Variants in CMIP observed in about 807,000 individuals in gnomAD.
CMIP encodes C-Maf-inducing protein.
A neutral mutation model predicts 97.3 loss-of-function variants in CMIP; 13 were observed. The ratio of observed to expected loss-of-function variants is 0.13; its 90% CI spans 0.09 to 0.21. CMIP has a LOEUF of 0.21. Ranked by LOEUF, CMIP falls within the 10% of genes least tolerant of loss-of-function variation. The pLI, the probability that CMIP is intolerant of heterozygous loss-of-function variation, is 1.00. For missense variants in CMIP, 847 were observed against 1,024.9 expected (o/e 0.83, Z 2.37); for synonymous variants, 538 against 436.3 (o/e 1.23, Z -2.91).
At chr16:81,588,511 C>G (rs1023326190) in intron 1 of CMIP, among the ~76,000 whole-genome samples, 2 of 152,146 alleles carry the variant, frequency 1.3e-5, no homozygotes, top group Non-Finnish European at 2.9e-5. Context: ...TGAGCAGTAG[C>G]CCCAGTGCTT....
At chr16:81,594,096 C>A in intron 1 of CMIP, among the ~76,000 whole-genome samples, 1 of 113,634 alleles carries the variant, frequency 8.8e-6, no homozygotes, top group Non-Finnish European at 1.8e-5. Context: ...TCCTCCTCTT[C>A]CTCCCCCTCC....
intron 1 of CMIP, among the ~76,000 whole-genome samples, chr16:81,580,868 A>G (rs551745675): frequency 5.9e-5 from 9 of 152,240 alleles, no homozygotes; most frequent in South Asian, 4.2e-4. Context: ...TGCCACTTCT[A>G]TCTAATTCCG....
rs1908637333 is a variant in CMIP at position 81,710,435 on chromosome 16, C to T, written c.*636C>T. The T allele has an allele frequency of 6.5e-6, 1 of 153,668 alleles. No individual in the cohort carries two copies. Among genetic ancestry groups the T allele is most frequent in the Non-Finnish European group, 1.4e-5 (1 of 69,202 alleles). The allele number at this position is 153,668 out of a possible 1,614,324, so 9.5% of individuals were successfully genotyped here. A position where few individuals can be genotyped will look rare whatever the true frequency, so the allele number is the denominator to read the frequency against. ...CCCCCCGCCCGACCCCACCGCCCTC[C>T]CGCCCCCACCTGGCGTGTAGTACTG... is the stretch of plus-strand genomic sequence containing the variant. On this transcript the variant is annotated 3_prime_UTR_variant, in exon 21 of 21. Coordinates refer to ENST00000537098, the MANE Select transcript of CMIP (RefSeq NM_198390.3).
chr16:81,652,175 T>C lies in CMIP; in HGVS notation c.478-28T>C. 6.3e-7 allele frequency: 1 copy of C among 1,585,000 alleles called. No homozygotes were observed. The highest frequency in any genetic ancestry group is 1.7e-5 in the Admixed American group (1 of 59,748). On this transcript the variant is annotated intron_variant, in intron 3 of 20. Transcript: ENST00000537098. The surrounding 1 kb of genome is among the most constrained non-coding windows in gnomAD (Gnocchi z 5.2). ...CTGCCTTCCTTACGTGAGTAACATG[T>C]TGCTGTCTCTTTATCTCTTTCAACC...
At chr16:81,512,624 C>T (rs1182396927) in intron 1 of CMIP, among the ~76,000 whole-genome samples, 1 of 152,010 alleles carries the variant, frequency 6.6e-6, no homozygotes, top group Non-Finnish European at 1.5e-5. Context: ...GATTTTGTAG[C>T]ATCTTCCAAA....
chr16:81,470,796 G>A (rs911823336), intron 1 of CMIP, among the ~76,000 whole-genome samples: 1 of 152,162 alleles, frequency 6.6e-6, no homozygotes, highest in South Asian at 2.1e-4. Flanking sequence ...ATTAAATATT[G>A]GTTCCATATA....
In CMIP at chr16:81,655,252, C is replaced by T. The variant is rs2092469679; in HGVS notation, c.640-2523C>T. 6.6e-6 allele frequency among the ~76,000 whole-genome samples: 1 copy of T among 152,132 alleles called. No homozygotes were observed. The highest frequency in any genetic ancestry group is 1.5e-5 in the Non-Finnish European group (1 of 68,026). On this transcript the variant is annotated intron_variant, in intron 4 of 20. Coordinates refer to ENST00000537098, the MANE Select transcript of CMIP (RefSeq NM_198390.3). The surrounding 1 kb of genome is among the most constrained non-coding windows in gnomAD (Gnocchi z 4.9). ...GGGTTGTTTCTCTGTTCTGTTTGCC[C>T]AAGTTGTTTGCAAGGCCTCCTCTGG... is the stretch of plus-strand genomic sequence containing the variant.
chr16:81,513,826 G>C (rs2089859097), intron 1 of CMIP, among the ~76,000 whole-genome samples: 1 of 152,186 alleles, frequency 6.6e-6, no homozygotes, highest in East Asian at 1.9e-4. Context: ...GGATCCTCTG[G>C]GCTGGCTTTC....
In CMIP at chr16:81,500,256, G is replaced by GTCCTTCCTTCCGTCCGTCCTTCCTTCCT. The variant is rs2089573766; in HGVS notation, c.300+54726_300+54727insGTCCGTCCTTCCTTCCTTCCTTCCTTCC. On this transcript the variant is annotated intron_variant, in intron 1 of 20. Coordinates refer to ENST00000537098, the MANE Select transcript of CMIP (RefSeq NM_198390.3). ...TATCAAAATTTCCTTCCTTCCTTCC[G>GTCCTTCCTTCCGTCCGTCCTTCCTTCCT]TCCTTCCTTCCTTCCGTCCTTCCTT... Among the ~76,000 whole-genome samples the GTCCTTCCTTCCGTCCGTCCTTCCTTCCT allele has an allele frequency of 6.5e-4, 71 of 109,668 alleles. 1 individual carries two copies. Among genetic ancestry groups the GTCCTTCCTTCCGTCCGTCCTTCCTTCCT allele is most frequent in the African/African-American group, 2.3e-3 (70 of 30,730 alleles). The allele number at this position is 109,668 out of a possible 152,430, so 71.9% of individuals were successfully genotyped here. A position where few individuals can be genotyped will look rare whatever the true frequency, so the allele number is the denominator to read the frequency against.
intron 9 of CMIP, among the ~76,000 whole-genome samples, chr16:81,675,715 C>G (rs1904297757): frequency 6.6e-6 from 1 of 152,146 alleles, no homozygotes; most frequent in Admixed American, 6.5e-5. Flanking sequence ...TCCAGTGTGA[C>G]TAGAGCAGAG....
intron 3 of CMIP, chr16:81,645,641 C>T (rs1382466497): frequency 9.1e-6 from 14 of 1,531,436 alleles, no homozygotes; most frequent in African/African-American, 2.7e-5. Flanking sequence ...GAGGACAGCG[C>T]TGGAGTGGCT....
rs537074955 is a variant in CMIP at position 81,679,704 on chromosome 16, C to T, written c.1388+1076C>T. Among the ~76,000 whole-genome samples, 405 of 152,144 alleles carry T rather than the reference C, an allele frequency of 2.7e-3. 3 individuals are homozygous for T. The highest frequency in any genetic ancestry group is 2.5e-3 in the Non-Finnish European group (173 of 67,986). ...CTGGCTCCTTCTGTGCCTGTCCCTC[C>T]CCGTCCCTGAACCTCAACTCTGTGA... On this transcript the variant is annotated intron_variant, in intron 10 of 20. Transcript: ENST00000537098.
intron 1 of CMIP, among the ~76,000 whole-genome samples, chr16:81,457,304 A>G (rs1223568657): frequency 6.6e-6 from 1 of 151,648 alleles, no homozygotes; most frequent in East Asian, 1.9e-4. Context: ...TCCACTCCAC[A>G]TTTACCTCCC....
intron 15 of CMIP, 27 bp downstream of exon 15, chr16:81,699,828 G>A (rs753155954): frequency 4.0e-6 from 6 of 1,507,750 alleles, no homozygotes; most frequent in Admixed American, 1.8e-5. Context: ...GGTCCCTGGT[G>A]GGGTGGCTGG....
intron 1 of CMIP, among the ~76,000 whole-genome samples, chr16:81,552,009 ACT>A (rs2150858064): frequency 6.6e-6 from 1 of 152,112 alleles, no homozygotes; most frequent in African/African-American, 2.4e-5. Flanking sequence ...CCACCTGGTG[ACT>A]CTGCAGCCTC....
chr16:81,619,779 G>C (rs1301251737), intron 2 of CMIP: 1 of 152,222 alleles, frequency 6.6e-6, no homozygotes, highest in Non-Finnish European at 1.5e-5. Context: ...CAAAGTCTCA[G>C]TTTCCTCATT....
intron 1 of CMIP, among the ~76,000 whole-genome samples, chr16:81,513,622 C>A (rs1163791356): frequency 6.6e-6 from 1 of 152,204 alleles, no homozygotes; most frequent in African/African-American, 2.4e-5. Context: ...ACCCCCCGGT[C>A]CGTTCTGGCC....
At chr16:81,564,478 G>A (rs2090943478) in intron 1 of CMIP, among the ~76,000 whole-genome samples, 1 of 152,328 alleles carries the variant, frequency 6.6e-6, no homozygotes, top group African/African-American at 2.4e-5. Context: ...GTGGCTCTGA[G>A]CTCCTCCCTG....
At chr16:81,522,364 G>T (rs2090045146) in intron 1 of CMIP, among the ~76,000 whole-genome samples, 1 of 152,188 alleles carries the variant, frequency 6.6e-6, no homozygotes, top group Non-Finnish European at 1.5e-5. Context: ...AGCTCCCTGA[G>T]GGTCTATGCA....
Sources: gnomAD v4.1 joint callset for allele counts (sites outside exome capture counted in the v4.1 genomes callset) on GRCh38, gnomAD v4.1.1 for gene constraint, Gnocchi (gnomAD v3.1) non-coding constraint, MANE v1.5 for transcripts, NCBI Gene and HGNC (gene_info 2026-07-23, HGNC 2026-07-21) for gene names.